Variants in TULP3 observed in about 807,000 individuals in gnomAD.
TULP3 encodes the protein TUB like protein 3.
In TULP3, 38 loss-of-function variants were observed where a neutral mutation model predicts 50.7. The observed-to-expected ratio is 0.75, with a 90% CI of 0.58 to 0.98. The LOEUF is 0.98. Among genes scored for constraint, TULP3 ranks in the 50% least tolerant of loss-of-function variants. TULP3 has a pLI of 0.00. For missense variants in TULP3, 550 were observed against 568.0 expected (o/e 0.97, Z 0.32); for synonymous variants, 183 against 196.6 (o/e 0.93, Z 0.58).
At position 2,922,257 on chromosome 12, in the gene TULP3, C is replaced by T. The variant is rs370927460; in HGVS notation, c.254-5C>T. ...TTTTAAAATTCATTTTATTTTGGCC[C>T]TTAGGTATTGATGGTCCAGCTGCTG... On this transcript the variant is annotated splice_region_variant and splice_polypyrimidine_tract_variant and intron_variant, in intron 3 of 10. Transcript: ENST00000448120. 4 of 1,607,624 alleles carry T rather than the reference C, an allele frequency of 2.5e-6. No individual in the cohort carries two copies. Among genetic ancestry groups the T allele is most frequent in the African/African-American group, 2.7e-5 (2 of 74,514 alleles).
chr12:2,924,050 T>C (rs1474508715), intron 4 of TULP3, among the ~76,000 whole-genome samples: 1 of 152,174 alleles, frequency 6.6e-6, no homozygotes, highest in Non-Finnish European at 1.5e-5. Context: ...GGCAACATTC[T>C]AGGTACTTAG....
intron 2 of TULP3, among the ~76,000 whole-genome samples, chr12:2,916,017 A>T (rs1285600232): frequency 1.3e-5 from 2 of 151,588 alleles, no homozygotes; most frequent in African/African-American, 4.8e-5. Flanking sequence ...ATTTAAATGA[A>T]GTTTTATTTA....
intron 4 of TULP3, among the ~76,000 whole-genome samples, chr12:2,929,693 C>T (rs9988979): frequency 0.46 from 70,269 of 151,668 alleles, 16,856 homozygotes; most frequent in African/African-American, 0.59. Flanking sequence ...CAGGTTCAAG[C>T]GATTCTCCTG....
At chr12:2,905,084 C>CAAAA (rs10666277) in intron 1 of TULP3, among the ~76,000 whole-genome samples, 4,314 of 141,544 alleles carry the variant, frequency 0.03, 234 homozygotes, top group African/African-American at 0.11. Context: ...GACTCTGTCT[C>CAAAA]AAAAAAAAAA....
intron 8 of TULP3, among the ~76,000 whole-genome samples, chr12:2,936,773 A>G (rs1182418153): frequency 6.7e-6 from 1 of 148,176 alleles, no homozygotes; most frequent in Admixed American, 6.8e-5. Context: ...GTTAAGAGTA[A>G]ACTCTCAAGC....
rs527864420 is a variant in TULP3 at position 2,940,101 on chromosome 12, G to A, written c.*657G>A. ...AATTATGTGAGAATTTTATATAATT[G>A]TCTTCATTTCAATTAAGGCTGAAAG... is the stretch of plus-strand genomic sequence containing the variant. On this transcript the variant is annotated 3_prime_UTR_variant, in exon 11 of 11. Transcript: ENST00000448120. 7.8e-7 allele frequency: 1 copy of A among 1,290,130 alleles called. No individual in the cohort carries two copies. Among genetic ancestry groups the A allele is most frequent in the Non-Finnish European group, 1.0e-6 (1 of 989,552 alleles). The allele number at this position is 1,290,130 out of a possible 1,614,324, so 79.9% of individuals were successfully genotyped here.
intron 2 of TULP3, among the ~76,000 whole-genome samples, chr12:2,917,500 T>A (rs756366028): frequency 1.3e-5 from 2 of 151,244 alleles, no homozygotes; most frequent in Non-Finnish European, 2.9e-5. Flanking sequence ...TTCTCTTTCT[T>A]GGACAAACCT....
intron 8 of TULP3, among the ~76,000 whole-genome samples, chr12:2,937,403 GAC>G (rs1177174952): frequency 6.6e-6 from 1 of 151,248 alleles, no homozygotes; most frequent in Non-Finnish European, 1.5e-5. Flanking sequence ...TTTTAGTAGA[GAC>G]AGGGTTTCAC....
At chr12:2,915,406 A>G (rs190530708) in intron 2 of TULP3, among the ~76,000 whole-genome samples, 91 of 152,336 alleles carry the variant, frequency 6.0e-4, no homozygotes, top group Middle Eastern at 6.8e-3. Flanking sequence ...CCTTTGAGCC[A>G]AGTTGCTCAT....
intron 4 of TULP3, among the ~76,000 whole-genome samples, chr12:2,926,216 G>A (rs971510092): frequency 6.6e-5 from 10 of 152,064 alleles, no homozygotes; most frequent in Non-Finnish European, 1.0e-4. Flanking sequence ...AAAAAGGGGG[G>A]GTGCCAGGTG....
intron 4 of TULP3, among the ~76,000 whole-genome samples, chr12:2,925,615 A>T (rs1204686474): frequency 6.6e-6 from 1 of 152,180 alleles, no homozygotes; most frequent in Non-Finnish European, 1.5e-5. Flanking sequence ...GTTTGTAAAG[A>T]CAGTTTTCCT....
intron 2 of TULP3, among the ~76,000 whole-genome samples, chr12:2,917,703 T>C (rs887583737): frequency 4.0e-5 from 6 of 151,708 alleles, no homozygotes; most frequent in East Asian, 3.9e-4. Flanking sequence ...CGGTGAAACC[T>C]CATCTTTACT....
At chr12:2,907,465 ACT>A (rs1383710439) in intron 1 of TULP3, among the ~76,000 whole-genome samples, 1 of 90,592 alleles carries the variant, frequency 1.1e-5, no homozygotes, top group Non-Finnish European at 2.2e-5. Flanking sequence ...ACAGAGTGAG[ACT>A]CCGTCTCCAA....
chr12:2,922,516 G>C, intron 4 of TULP3, 114 bp downstream of exon 4: 1 of 1,339,204 alleles, frequency 7.5e-7, no homozygotes, highest in South Asian at 1.5e-5. Flanking sequence ...CATGGCTTAG[G>C]GCCTCACAGA....
intron 2 of TULP3, among the ~76,000 whole-genome samples, chr12:2,914,073 G>A (rs1213523788): frequency 6.6e-6 from 1 of 150,836 alleles, no homozygotes; most frequent in Non-Finnish European, 1.5e-5. Context: ...ATTTCTTTGT[G>A]TTGGGAACAT....
intron 2 of TULP3, among the ~76,000 whole-genome samples, chr12:2,916,002 C>T (rs2098188422): frequency 6.6e-6 from 1 of 152,040 alleles, no homozygotes; most frequent in African/African-American, 2.4e-5. Flanking sequence ...GTTAAACTAT[C>T]ATTAATTTAA....
Position 2,940,332 on chromosome 12 carries a change from A to C in TULP3, c.*888A>C. On this transcript the variant is annotated 3_prime_UTR_variant, in exon 11 of 11. Coordinates refer to ENST00000448120, the MANE Select transcript of TULP3 (RefSeq NM_003324.5). ...CCATTTAGTTTAGTTAAAAAAAAAA[A>C]AAAAAAGGTGGCAGGAGAGGCTTTG... 6.8e-7 allele frequency: 1 copy of C among 1,465,442 alleles called. No individual in the cohort carries two copies. The highest frequency in any genetic ancestry group is 2.5e-5 in the Admixed American group (1 of 40,630). 90.8% of individuals were successfully genotyped at this position (1,465,442 alleles called of 1,614,324 possible).
In TULP3 at chr12:2,937,672, T is replaced by G. The variant is rs1339306555; in HGVS notation, c.966T>G (p.Ser322=). ...VLGFKGPRKM[S]VIIPGMTLNH... ...GATTTAAAGGTCCTAGGAAAATGTC[T>G]GTGATCATTCCTGGAATGACACTGA... The change falls in exon 9 of 11, where the codon TCT becomes TCG. Residue 322 remains serine (S), a synonymous_variant. Coordinates refer to ENST00000448120, the MANE Select transcript of TULP3 (RefSeq NM_003324.5). 1 of 1,613,398 alleles carries G rather than the reference T, an allele frequency of 6.2e-7. No homozygotes were observed. Among genetic ancestry groups the G allele is most frequent in the South Asian group, 1.1e-5 (1 of 90,848 alleles).
rs565031626 is a variant in TULP3, at chr12:2,929,878, C to T, written c.395-370C>T. ...TGCTGGGATTACAGGCATGAGCCAC[C>T]GCGCCCAGCCTGCCCTGCCTAAAAT... On this transcript the variant is annotated intron_variant, in intron 4 of 10. Transcript: ENST00000448120. Among the ~76,000 whole-genome samples, 7 of 152,012 alleles carry T rather than the reference C, an allele frequency of 4.6e-5. No homozygotes were observed. In the East Asian group the frequency reaches 1.2e-3, roughly 25 times the overall value.
Sources: gnomAD v4.1 joint callset for allele counts (sites outside exome capture counted in the v4.1 genomes callset) on GRCh38, gnomAD v4.1.1 for gene constraint, MANE v1.5 for transcripts, NCBI Gene and HGNC (gene_info 2026-07-23, HGNC 2026-07-21) for gene names.